Variants in AGL observed in about 807,000 individuals in gnomAD.
AGL encodes glycogen debranching enzyme.
A neutral mutation model predicts 199.3 loss-of-function variants in AGL; 128 were observed. The observed-to-expected ratio is 0.64, with a 90% CI of 0.56 to 0.74. The LOEUF is 0.74. AGL is among the 30% of genes least tolerant of loss of function. The probability of loss-of-function intolerance (pLI) is 0.00; values close to 1 mark genes in which losing one functional copy is unlikely to be tolerated. For synonymous variants in AGL, 584 were observed against 594.7 expected (o/e 0.98, Z 0.26); for missense variants, 1,809 against 1,820.8 (o/e 0.99, Z 0.12).
chr1:99,857,618 C>T (rs1389992831), intron 2 of AGL, among the ~76,000 whole-genome samples: 7 of 151,444 alleles, frequency 4.6e-5, no homozygotes, highest in African/African-American at 4.9e-5. Context: ...GAGACCAGCC[C>T]GGCCAACACA....
At position 99,875,226 on chromosome 1, in the gene AGL, G is replaced by T. The variant is rs28730701; in HGVS notation, c.1155G>T (p.Lys385Asn). Residue 385 changes from lysine (K) to asparagine (N), a missense_variant, in exon 9 of 34, where the codon AAG becomes AAT. Lys to Asn is a moderately conservative substitution (Grantham distance 94). Coordinates refer to ENST00000361915, the MANE Select transcript of AGL (RefSeq NM_000642.3). ...GAATGGAGGAATTAAATTCAGAGAA[G>T]CATCGACTCATTAACTATCATCAGG... ...HKRMEELNSE[K>N]HRLINYHQEQ... The T allele has an allele frequency of 0.013, 20,341 of 1,614,052 alleles. 180 individuals are homozygous for T. Among genetic ancestry groups the T allele is most frequent in the Middle Eastern group, 0.047 (284 of 6,062 alleles).
At chr1:99,884,943 CACAT>C (rs1320929292) in intron 20 of AGL, among the ~76,000 whole-genome samples, 1 of 152,230 alleles carries the variant, frequency 6.6e-6, no homozygotes, top group African/African-American at 2.4e-5. Context: ...GCATACATAA[CACAT>C]GCATGCATCT....
intron 10 of AGL, 97 bp downstream of exon 10, chr1:99,875,552 T>A: frequency 1.0e-6 from 1 of 983,618 alleles, no homozygotes; most frequent in Non-Finnish European, 1.6e-6. Flanking sequence ...AACATGTGAG[T>A]TCAGTACATT....
chr1:99,916,693 TA>T lies in AGL; in HGVS notation c.4448del (p.Asn1483MetfsTer21), dbSNP rs2100876453. The T allele has an allele frequency of 1.2e-6, 2 of 1,613,458 alleles. No individual in the cohort carries two copies. Among genetic ancestry groups the T allele is most frequent in the South Asian group, 2.2e-5 (2 of 91,060 alleles). ...CTACTGCAAAGACTATAGTTTTGGT[TA>T]AAAATGTTCTTTCCCGACATTATGT... is the stretch of plus-strand genomic sequence containing the variant. ...ETTAKTIVLV[K>X]NVLSRHYVHL... On this transcript the variant is annotated frameshift_variant, in exon 33 of 34. Coordinates refer to ENST00000361915, the MANE Select transcript of AGL (RefSeq NM_000642.3). LOFTEE classifies it high-confidence loss of function.
At position 99,884,671 on chromosome 1, in the gene AGL, T is replaced by C. The variant is rs754556227; in HGVS notation, c.2649T>C (p.Asn883=). The C allele has an allele frequency of 6.2e-7, 1 of 1,614,040 alleles. No individual in the cohort carries two copies. The highest frequency in any genetic ancestry group is 1.1e-5 in the South Asian group (1 of 91,086). The change falls in exon 20 of 34, where the codon AAT becomes AAC. Residue 883 remains asparagine, a synonymous_variant. Coordinates refer to ENST00000361915, the MANE Select transcript of AGL (RefSeq NM_000642.3). Reference sequence around the variant, plus strand: ...AATCTGGCAGCCTAGCTGTTGACAATGCAGATCCTATATTAAAAATTCCTT... The same window carrying C: ...AATCTGGCAGCCTAGCTGTTGACAACGCAGATCCTATATTAAAAATTCCTT... ...HFKSGSLAVD[N]ADPILKIPFA...
chr1:99,902,706 A>C lies in AGL; in HGVS notation c.3612A>C (p.Ile1204=). The change falls in exon 27 of 34, where the codon ATA becomes ATC. Residue 1204 remains isoleucine (I), a synonymous_variant. Transcript: ENST00000361915. ...AGGATCAGCCATTGTTTGAAGTCAT[A>C]CAGGAAGCAATGCAAAAACACATGC... ...GTLDQPLFEV[I]QEAMQKHMQG... 6.2e-7 allele frequency: 1 copy of C among 1,613,380 alleles called. No individual in the cohort carries two copies.
rs2100804056 is a variant in AGL at position 99,896,377 on chromosome 1, T to C, written c.3351T>C (p.Tyr1117=). The change falls in exon 25 of 34, where the codon TAT becomes TAC. Residue 1117 remains tyrosine, a synonymous_variant. Transcript: ENST00000361915. ...LRGILLITGR[Y]VEARNIILAF... ...GTATACTGCTGATTACTGGACGCTA[T>C]GTAGAAGCCAGGTAGGAGAGCCTCT... The C allele has an allele frequency of 6.2e-7, 1 of 1,613,106 alleles. No individual in the cohort carries two copies. Among genetic ancestry groups the C allele is most frequent in the Non-Finnish European group, 8.5e-7 (1 of 1,179,072 alleles).
rs1175546784 is a variant in AGL, at chr1:99,921,574, GC to G, written c.4525del (p.Gln1509SerfsTer38). The G allele has an allele frequency of 6.2e-7, 1 of 1,613,106 alleles. No homozygotes were observed. The highest frequency in any genetic ancestry group is 1.7e-5 in the Admixed American group (1 of 59,914). ...ACTTCCAGAACTGACCAATGAGAATGCCCAGTACTGTCCTTTCAGCTGTGAA... is the reference window on the plus strand; with the variant it reads ...ACTTCCAGAACTGACCAATGAGAATGCCAGTACTGTCCTTTCAGCTGTGAA... Reference protein sequence around the residue: ...KGLPELTNENAQYCPFSCETQ... With the variant: ...KGLPELTNENXQYCPFSCETQ... On this transcript the variant is annotated frameshift_variant, in exon 34 of 34. Transcript: ENST00000361915. LOFTEE classifies it high-confidence loss of function.
chr1:99,898,254 G>A (rs1004779261), intron 25 of AGL, among the ~76,000 whole-genome samples: 14 of 152,102 alleles, frequency 9.2e-5, no homozygotes, highest in African/African-American at 2.9e-4. Flanking sequence ...CACCATGTTA[G>A]CCAGGATGGT....
chr1:99,864,333 G>A (rs535461), intron 4 of AGL, 53 bp from the exon 5 acceptor site: 9 of 1,432,462 alleles, frequency 6.3e-6, no homozygotes, highest in Non-Finnish European at 8.9e-6. Flanking sequence ...TTCATTTTAG[G>A]CTGGTTTTGT....
intron 7 of AGL, among the ~76,000 whole-genome samples, chr1:99,873,887 T>A (rs1324255118): frequency 2.0e-5 from 3 of 152,196 alleles, no homozygotes; most frequent in Non-Finnish European, 4.4e-5. Flanking sequence ...TTATAAGTCA[T>A]TTCAAAGTCT....
chr1:99,861,938 A>G (rs547443938), intron 3 of AGL, among the ~76,000 whole-genome samples: 1 of 152,270 alleles, frequency 6.6e-6, no homozygotes, highest in East Asian at 1.9e-4. Flanking sequence ...AAAATGTAGT[A>G]ATTTCATGCA....
intron 2 of AGL, among the ~76,000 whole-genome samples, chr1:99,855,225 G>A (rs1184490717): frequency 1.3e-5 from 2 of 151,894 alleles, no homozygotes; most frequent in Admixed American, 6.6e-5. Context: ...AAGAAAAAGA[G>A]AGGACAAAGT....
At position 99,876,554 on chromosome 1, in the gene AGL, A is replaced by T. The variant is rs1385164556; in HGVS notation, c.1380A>T (p.Gly460=). The change falls in exon 11 of 34, where the codon GGA becomes GGT. Residue 460 remains glycine, a synonymous_variant. Transcript: ENST00000361915. The part of the protein sequence containing the change: ...NKACFLMAHN[G]WVMGDDPLRN... The stretch of plus-strand genomic sequence containing the variant: ...CTTGTTTTCTGATGGCACACAATGG[A>T]TGGGTAATGGGAGATGATCCTCTTC... The T allele has an allele frequency of 6.2e-7, 1 of 1,613,906 alleles. No homozygotes were observed. The highest frequency in any genetic ancestry group is 2.2e-5 in the East Asian group (1 of 44,858).
chr1:99,865,237 CTAAGGA>C (rs1297137517), intron 5 of AGL, among the ~76,000 whole-genome samples: 2 of 152,074 alleles, frequency 1.3e-5, no homozygotes, highest in African/African-American at 2.4e-5. Context: ...GAAGGTACCC[CTAAGGA>C]TAAGAGGGGA....
At chr1:99,862,976 A>T (rs1650185372) in intron 4 of AGL, among the ~76,000 whole-genome samples, 1 of 151,680 alleles carries the variant, frequency 6.6e-6, no homozygotes, top group African/African-American at 2.4e-5. Context: ...ACGGAGTATC[A>T]CCCTGTCACG....
In AGL at chr1:99,910,911, A is replaced by G. The variant is rs951922117; in HGVS notation, c.3836+64A>G. ...CTTTAAGAAAGCACTTACTTGTGGA[A>G]TCTTTTATTCTGTTAACTATGAACT... On this transcript the variant is annotated intron_variant, in intron 28 of 33. Transcript: ENST00000361915. The G allele has an allele frequency of 2.5e-5, 39 of 1,531,258 alleles. No individual in the cohort carries two copies. In the Middle Eastern group the frequency reaches 5.1e-4, roughly 20 times the overall value. 94.9% of individuals were successfully genotyped at this position (1,531,258 alleles called of 1,614,324 possible).
chr1:99,920,980 A>C (rs1655476439), intron 33 of AGL, among the ~76,000 whole-genome samples: 2 of 152,218 alleles, frequency 1.3e-5, no homozygotes, highest in Admixed American at 1.3e-4. Context: ...TTACAGGGTT[A>C]CTGTGAACAT....
Position 99,900,618 on chromosome 1 carries a change from T to C in AGL, c.3363-18T>C. Reference sequence around the variant, plus strand: ...GTGTTTGTTTTCATTTCTGATCCACTTAATTCTGTTGTTTTAGGAATATTA... The same window carrying C: ...GTGTTTGTTTTCATTTCTGATCCACCTAATTCTGTTGTTTTAGGAATATTA... On this transcript the variant is annotated intron_variant, in intron 25 of 33. Coordinates refer to ENST00000361915, the MANE Select transcript of AGL (RefSeq NM_000642.3). 6.2e-7 allele frequency: 1 copy of C among 1,605,792 alleles called. No individual in the cohort carries two copies. The highest frequency in any genetic ancestry group is 8.5e-7 in the Non-Finnish European group (1 of 1,172,484).
Sources: allele counts gnomAD v4.1 joint callset (sites outside exome capture counted in the v4.1 genomes callset), GRCh38; gene constraint gnomAD v4.1.1; transcripts MANE v1.5; gene names NCBI Gene and HGNC (gene_info 2026-07-23, HGNC 2026-07-21).